ZNF254: variants seen among roughly 807,000 people sequenced by gnomAD.
ZNF254 encodes CTD-2017D11.1.
A neutral mutation model predicts 12.4 loss-of-function variants in ZNF254; 10 were observed. The ratio of observed to expected loss-of-function variants is 0.80; its 90% confidence interval spans 0.50 to 1.36. The LOEUF is 1.36. Among genes scored for constraint, ZNF254 ranks in the 40% most tolerant of loss-of-function variants. The pLI is 0.00. For synonymous variants in ZNF254, 305 were observed against 253.4 expected (o/e 1.20, Z -1.93); for missense variants, 996 against 763.9 (o/e 1.30, Z -3.58).
intron 1 of ZNF254, among the ~76,000 whole-genome samples, chr19:24,037,790 A>G (rs1384131748): frequency 6.6e-6 from 1 of 151,978 alleles, no homozygotes; most frequent in Non-Finnish European, 1.5e-5. Context: ...TGTATTTTTC[A>G]TAGAGATGGG....
intron 3 of ZNF254, among the ~76,000 whole-genome samples, chr19:24,117,758 G>T (rs1329917434): frequency 6.6e-6 from 1 of 151,980 alleles, no homozygotes; most frequent in Non-Finnish European, 1.5e-5. Flanking sequence ...ACCTCGGATG[G>T]AAATGCAGAA....
At chr19:24,092,583 G>A (rs1357918647) in intron 1 of ZNF254, among the ~76,000 whole-genome samples, 1 of 151,920 alleles carries the variant, frequency 6.6e-6, no homozygotes, top group Non-Finnish European at 1.5e-5. Flanking sequence ...ATTTTTCCAT[G>A]TTGCTCAGGC....
chr19:24,112,815 C>A (rs1029497978), intron 3 of ZNF254, among the ~76,000 whole-genome samples: 9 of 151,860 alleles, frequency 5.9e-5, no homozygotes, highest in African/African-American at 1.9e-4. Flanking sequence ...ATAGAAGAAT[C>A]AAATAGATGC....
At chr19:24,095,597 T>G (rs1972625354) in intron 1 of ZNF254, among the ~76,000 whole-genome samples, 2 of 152,300 alleles carry the variant, frequency 1.3e-5, no homozygotes, top group South Asian at 4.1e-4. Flanking sequence ...TTTCATTTCT[T>G]TTTTGTTAAT....
intron 2 of ZNF254, among the ~76,000 whole-genome samples, chr19:24,056,402 C>T (rs2145361605): frequency 1.3e-5 from 2 of 152,284 alleles, no homozygotes; most frequent in Middle Eastern, 3.4e-3. Flanking sequence ...TGACATATCC[C>T]TTGGCTCAGT....
intron 1 of ZNF254, among the ~76,000 whole-genome samples, chr19:24,044,481 G>A (rs1023924410): frequency 6.6e-6 from 1 of 151,616 alleles, no homozygotes; most frequent in African/African-American, 2.4e-5. Context: ...GAGCTTGCAG[G>A]GAGCCGAGAT....
rs1048199898 is a variant in ZNF254 at position 24,077,242 on chromosome 19, C to T, written c.-93-28698C>T. On this transcript the variant is annotated intron_variant, in intron 2 of 4. Transcript: ENST00000613065. ...TGACCACACCAATGTACATCTTAAA[C>T]ATGTTATTGATGTCTCTTGACTTTC... Among the ~76,000 whole-genome samples, 2 of 152,180 alleles carry T rather than the reference C, an allele frequency of 1.3e-5. 1 individual carries two copies. Among genetic ancestry groups the T allele is most frequent in the African/African-American group, 4.8e-5 (2 of 41,438 alleles).
At chr19:24,058,825 T>G (rs1312434464) in intron 2 of ZNF254, among the ~76,000 whole-genome samples, 1 of 152,214 alleles carries the variant, frequency 6.6e-6, no homozygotes, top group East Asian at 1.9e-4. Flanking sequence ...TGGTTCACTG[T>G]GACATATTAC....
At chr19:24,060,574 G>T (rs1026070793) in intron 2 of ZNF254, among the ~76,000 whole-genome samples, 5 of 151,972 alleles carry the variant, frequency 3.3e-5, no homozygotes, top group Admixed American at 2.6e-4. Flanking sequence ...CCTATCTCTG[G>T]GCCCAGCACC....
At chr19:24,091,709 T>A (rs2145679425) in intron 1 of ZNF254, among the ~76,000 whole-genome samples, 1 of 152,112 alleles carries the variant, frequency 6.6e-6, no homozygotes, top group South Asian at 2.1e-4. Flanking sequence ...GCCAGGCTGG[T>A]CTCGAACTCC....
intron 2 of ZNF254, among the ~76,000 whole-genome samples, chr19:24,064,898 A>G (rs1357465624): frequency 6.6e-6 from 1 of 152,160 alleles, no homozygotes. Flanking sequence ...GGGCTCTCAC[A>G]CAGAACTATT....
chr19:24,061,107 T>C (rs1381522030), intron 2 of ZNF254, among the ~76,000 whole-genome samples: 3 of 151,992 alleles, frequency 2.0e-5, no homozygotes, highest in African/African-American at 7.3e-5. Flanking sequence ...AGGTACTGTC[T>C]TCTCCTGCCT....
intron 1 of ZNF254, among the ~76,000 whole-genome samples, chr19:24,042,384 G>A (rs2145210295): frequency 6.6e-6 from 1 of 152,240 alleles, no homozygotes; most frequent in East Asian, 1.9e-4. Flanking sequence ...AGCCAGCATT[G>A]GCAACCCGCT....
intron 2 of ZNF254, chr19:24,066,611 G>C (rs1248337514): frequency 6.6e-6 from 1 of 152,110 alleles, no homozygotes; most frequent in African/African-American, 2.4e-5. Context: ...GCTTGGGGAG[G>C]CCAAGGTGGG....
rs575008897 is a variant in ZNF254 at position 24,103,417 on chromosome 19, A to T, written c.31-2523A>T. 1.1e-4 allele frequency among the ~76,000 whole-genome samples: 16 copies of T among 152,346 alleles called. No homozygotes were observed. In the South Asian group the frequency reaches 3.3e-3, roughly 32 times the overall value. On this transcript the variant is annotated intron_variant, in intron 1 of 3. Coordinates refer to ENST00000357002, the MANE Select transcript of ZNF254 (RefSeq NM_203282.4). ...ATTTTACAAAGCGATTCATAAGCTC[A>T]TTAAAGCTTGAGTGATAATGCTTAG...
At chr19:24,107,662 T>G (rs1043824242) in intron 3 of ZNF254, among the ~76,000 whole-genome samples, 2 of 152,198 alleles carry the variant, frequency 1.3e-5, no homozygotes, top group African/African-American at 4.8e-5. Context: ...TTTCAATGAC[T>G]TTAAATTTTT....
chr19:24,059,903 C>T (rs1054480042), intron 2 of ZNF254, among the ~76,000 whole-genome samples: 5 of 152,168 alleles, frequency 3.3e-5, no homozygotes, highest in African/African-American at 4.8e-5. Flanking sequence ...TGCCTTGGCC[C>T]TGCCCACAGG....
At chr19:24,111,830 T>C (rs1186240786) in intron 3 of ZNF254, among the ~76,000 whole-genome samples, 1 of 150,724 alleles carries the variant, frequency 6.6e-6, no homozygotes, top group Non-Finnish European at 1.5e-5. Context: ...TTTGAGTTCA[T>C]TGTAGATTCT....
At chr19:24,069,940 T>G (rs979514933) in intron 2 of ZNF254, among the ~76,000 whole-genome samples, 2 of 151,974 alleles carry the variant, frequency 1.3e-5, no homozygotes, top group Admixed American at 6.6e-5. Context: ...GAAAAAGAAA[T>G]AAAAACATCC....
Sources: allele counts gnomAD v4.1 joint callset (sites outside exome capture counted in the v4.1 genomes callset), GRCh38; gene constraint gnomAD v4.1.1; transcripts MANE v1.5; gene names NCBI Gene and HGNC (gene_info 2026-07-23, HGNC 2026-07-21).